The following KIFBP variants were observed in gnomAD, a reference collection of about 807,000 sequenced individuals.
KIFBP encodes kinesin family binding protein.
A neutral mutation model predicts 58.9 loss-of-function variants in KIFBP; 46 were observed. That is an observed-to-expected ratio of 0.78 (90% CI 0.62 to 1.00). The LOEUF (loss-of-function observed/expected upper bound fraction) is 1.00, where lower values mean the gene tolerates loss of function less well. KIFBP is among the 50% of genes least tolerant of loss of function. The pLI is 0.00. For synonymous variants in KIFBP, 241 were observed against 283.4 expected (o/e 0.85, Z 1.50); for missense variants, 651 against 752.9 (o/e 0.86, Z 1.58).
chr10:68,993,123 T>C (rs532517409), intron 1 of KIFBP, among the ~76,000 whole-genome samples: 2 of 152,348 alleles, frequency 1.3e-5, no homozygotes, highest in East Asian at 3.9e-4. Context: ...ATGTCTCTTC[T>C]TAGTTCACAT....
intron 6 of KIFBP, among the ~76,000 whole-genome samples, chr10:69,014,290 A>C (rs554004029): frequency 6.6e-6 from 1 of 152,302 alleles, no homozygotes; most frequent in African/African-American, 2.4e-5. Context: ...ATGATATGAG[A>C]AGGCACAATA....
At chr10:69,006,263 A>C (rs1843535391) in intron 4 of KIFBP, among the ~76,000 whole-genome samples, 1 of 152,234 alleles carries the variant, frequency 6.6e-6, no homozygotes, top group Non-Finnish European at 1.5e-5. Flanking sequence ...ACGTAATGGT[A>C]ATCTCATAAC....
chr10:69,005,733 T>A lies in KIFBP; in HGVS notation c.607T>A (p.Phe203Ile). Residue 203 changes from phenylalanine (F) to isoleucine (I), a missense_variant and splice_region_variant, in exon 4 of 7, where the codon TTT becomes ATT. Coordinates refer to ENST00000361983, the MANE Select transcript of KIFBP (RefSeq NM_015634.4). ...TATTGGTTTATTTTTTCTTTACAGA[T>A]TTGAAAAGGTTTATACTCATAACCT... ...KLTEQERSKR[F>I]EKVYTHNLYY... The A allele has an allele frequency of 6.2e-7, 1 of 1,603,072 alleles. No individual in the cohort carries two copies. Among genetic ancestry groups the A allele is most frequent in the Non-Finnish European group, 8.5e-7 (1 of 1,170,200 alleles).
intron 6 of KIFBP, among the ~76,000 whole-genome samples, chr10:69,012,462 G>C (rs943386333): frequency 1.3e-5 from 2 of 151,832 alleles, no homozygotes; most frequent in Non-Finnish European, 2.9e-5. Flanking sequence ...AAGATTTCCT[G>C]GGGGATTCAT....
chr10:69,016,039 G>A lies in KIFBP; in HGVS notation c.1489G>A (p.Asp497Asn). ...GGTTGCCATTGCTGACAGGCTAAGG[G>A]ATCCTGATTCACACATTGTAAAAAA... ...LKVAIADRLR[D>N]PDSHIVKKIN... Residue 497 changes from aspartate (D) to asparagine (N), a missense_variant, in exon 7 of 7, where the codon GAT (aspartate) becomes AAT (asparagine). Asp to Asn is a conservative substitution (Grantham distance 23). Transcript: ENST00000361983. 1 of 1,614,120 alleles carries A rather than the reference G, an allele frequency of 6.2e-7. No homozygotes were observed. Among genetic ancestry groups the A allele is most frequent in the East Asian group, 2.2e-5 (1 of 44,880 alleles).
At chr10:69,000,395 G>A (rs1843453859) in intron 1 of KIFBP, 29 bp from the exon 2 acceptor site, 1 of 1,431,396 alleles carries the variant, frequency 7.0e-7, no homozygotes, top group Non-Finnish European at 9.9e-7. Context: ...TTATATCATT[G>A]TTTGTTTCTC....
At chr10:68,991,070 A>G (rs2132105717) in intron 1 of KIFBP, 1 of 152,356 alleles carries the variant, frequency 6.6e-6, no homozygotes, top group East Asian at 1.9e-4. Flanking sequence ...TAGGAGTTCA[A>G]GACCAACCTG....
Position 69,016,131 on chromosome 10 carries a change from A to C in KIFBP, c.1581A>C (p.Pro527=), listed in dbSNP as rs1839002739. Residue 527 remains proline (P), a synonymous_variant, in exon 7 of 7, where the codon CCA becomes CCC. Transcript: ENST00000361983. ...TCTTCTTAGACTCCCTGAGAGACCC[A>C]AATAAAGTATTCCCTGAGCATATAG... ...YQLFLDSLRD[P]NKVFPEHIGE... The C allele has an allele frequency of 1.9e-6, 3 of 1,614,202 alleles. No individual in the cohort carries two copies. Among genetic ancestry groups the C allele is most frequent in the Non-Finnish European group, 2.5e-6 (3 of 1,180,040 alleles).
At chr10:68,998,734 C>T (rs1206090332) in intron 1 of KIFBP, among the ~76,000 whole-genome samples, 3 of 121,200 alleles carry the variant, frequency 2.5e-5, no homozygotes, top group African/African-American at 9.2e-5. Flanking sequence ...CCACTACATA[C>T]ATACATACAT....
chr10:69,008,419 TTCAGTCTTCTGAC>T (rs1843560021), intron 4 of KIFBP, among the ~76,000 whole-genome samples: 1 of 137,618 alleles, frequency 7.3e-6, no homozygotes. Flanking sequence ...TATATATATA[TTCAGTCTTCTGAC>T]ACAATGTAAA....
At chr10:69,013,451 C>G (rs1287846016) in intron 6 of KIFBP, among the ~76,000 whole-genome samples, 2 of 151,848 alleles carry the variant, frequency 1.3e-5, no homozygotes, top group East Asian at 3.9e-4. Context: ...TTATTCTGGT[C>G]AGGTAAAGAA....
At chr10:69,013,405 G>T (rs983866683) in intron 6 of KIFBP, among the ~76,000 whole-genome samples, 1 of 152,194 alleles carries the variant, frequency 6.6e-6, no homozygotes. Flanking sequence ...GGGGCTTTAT[G>T]TGTAGAGAAT....
chr10:69,016,602 A>C lies in KIFBP; in HGVS notation c.*186A>C, dbSNP rs937691724. Reference sequence around the variant, plus strand: ...AAAGTTAATTAAAAACTTACACCTAATTATGTAAATTGCCTTGTTAAAGAC... The same window carrying C: ...AAAGTTAATTAAAAACTTACACCTACTTATGTAAATTGCCTTGTTAAAGAC... On this transcript the variant is annotated 3_prime_UTR_variant, in exon 7 of 7. Transcript: ENST00000361983. 1 of 579,556 alleles carries C rather than the reference A, an allele frequency of 1.7e-6. No homozygotes were observed. Among genetic ancestry groups the C allele is most frequent in the African/African-American group, 1.9e-5 (1 of 53,764 alleles). The allele number at this position is 579,556 out of a possible 1,614,324, so 35.9% of individuals were successfully genotyped here.
rs1180539772 is a variant in KIFBP, at chr10:69,016,305, G to C, written c.1755G>C (p.Lys585Asn). ...AATTTATTGTTGATTACTGTGAAAA[G>C]CATCCTGAGGCCGCCCAGGAAATAG... ...HYKFIVDYCE[K>N]HPEAAQEIEV... The change falls in exon 7 of 7, where the codon AAG becomes AAC. Residue 585 changes from lysine (K) to asparagine (N), a missense_variant. Transcript: ENST00000361983. 1 of 1,606,774 alleles carries C rather than the reference G, an allele frequency of 6.2e-7. No individual in the cohort carries two copies. Among genetic ancestry groups the C allele is most frequent in the Admixed American group, 1.7e-5 (1 of 57,898 alleles).
At chr10:68,989,661 A>G in intron 1 of KIFBP, 1 of 224,928 alleles carries the variant, frequency 4.4e-6, no homozygotes. Flanking sequence ...CAAGGAAATG[A>G]CAATGACCGG....
intron 1 of KIFBP, among the ~76,000 whole-genome samples, chr10:68,990,654 G>A (rs1281951246): frequency 1.3e-5 from 2 of 152,148 alleles, no homozygotes; most frequent in Admixed American, 1.3e-4. Flanking sequence ...ATTGGGACAG[G>A]TGAACATGGA....
At chr10:68,989,427 T>C in intron 1 of KIFBP, 169 bp downstream of exon 1, 1 of 721,744 alleles carries the variant, frequency 1.4e-6, no homozygotes, top group Non-Finnish European at 2.3e-6. Context: ...AAGCCAGTCT[T>C]ATGGACTTAT....
At chr10:68,998,175 A>G (rs372123156) in intron 1 of KIFBP, among the ~76,000 whole-genome samples, 1 of 151,816 alleles carries the variant, frequency 6.6e-6, no homozygotes, top group Non-Finnish European at 1.5e-5. Context: ...CTGGTCTTGA[A>G]CTCCTGACCC....
At chr10:69,008,391 A>AATATATATATATATATATATATATATAT (rs1173764355) in intron 4 of KIFBP, among the ~76,000 whole-genome samples, 3 of 71,588 alleles carry the variant, frequency 4.2e-5, no homozygotes, top group African/African-American at 2.3e-4. Flanking sequence ...AAAAAAAAAA[A>AATATATATATATATATATATATATATAT]ATATATATAT....
Sources: allele counts gnomAD v4.1 joint callset (sites outside exome capture counted in the v4.1 genomes callset), GRCh38; gene constraint gnomAD v4.1.1; transcripts MANE v1.5; gene names NCBI Gene and HGNC (gene_info 2026-07-23, HGNC 2026-07-21).